ZNF540: variants seen among roughly 807,000 people sequenced by gnomAD.
ZNF540 encodes the protein zinc finger protein 540.
Under a neutral mutation model 11.8 loss-of-function variants are expected in ZNF540, and 3 were observed. The ratio of observed to expected loss-of-function variants is 0.25; its 90% CI spans 0.12 to 0.65. The LOEUF is 0.65. ZNF540 is among the 30% of genes least tolerant of loss of function. The probability of loss-of-function intolerance (pLI) is 0.83; values close to 1 mark genes in which losing one functional copy is unlikely to be tolerated. For synonymous variants in ZNF540, 247 were observed against 259.0 expected, an observed-to-expected ratio of 0.95 and a Z score of 0.45; for missense variants, 709 against 793.1, an observed-to-expected ratio of 0.89 and a Z score of 1.27.
chr19:37,554,171 G>T (rs186494420), intron 1 of ZNF540, among the ~76,000 whole-genome samples: 9 of 152,140 alleles, frequency 5.9e-5, no homozygotes, highest in Admixed American at 3.9e-4. Context: ...GCAGGCCCTG[G>T]TGTTTATTGT....
rs371497383 is a variant in ZNF540, at chr19:37,565,535, T to C, written c.-73+13870T>C. On this transcript the variant is annotated intron_variant, in intron 1 of 4. Transcript: ENST00000592533. The stretch of plus-strand genomic sequence containing the variant: ...AGGTTTCTCACCACTATGAATTCTC[T>C]GATGGTAAGTAAGTTGAGAGCCAAG... The C allele has an allele frequency of 7.4e-6, 12 of 1,613,704 alleles. No homozygotes were observed. The highest frequency in any genetic ancestry group is 5.3e-5 in the African/African-American group (4 of 74,886).
At chr19:37,603,641 A>G (rs2044057830) in intron 4 of ZNF540, among the ~76,000 whole-genome samples, 1 of 150,924 alleles carries the variant, frequency 6.6e-6, no homozygotes, top group Non-Finnish European at 1.5e-5. Context: ...TAGCTCGTTC[A>G]CTTTTTATTT....
Position 37,599,616 on chromosome 19 carries a change from A to G in ZNF540, c.10-10A>G. 6.2e-7 allele frequency: 1 copy of G among 1,613,892 alleles called. No homozygotes were observed. Among genetic ancestry groups the G allele is most frequent in the Non-Finnish European group, 8.5e-7 (1 of 1,179,918 alleles). On this transcript the variant is annotated splice_polypyrimidine_tract_variant and intron_variant, in intron 2 of 4. Coordinates refer to ENST00000316433, the MANE Select transcript of ZNF540 (RefSeq NM_001172225.3). ...AATTTCACCAGTAATATGTTGGTTTATGGTTTCAGGCATTGGTGACGTTCA... is the reference window on the plus strand; with the variant it reads ...AATTTCACCAGTAATATGTTGGTTTGTGGTTTCAGGCATTGGTGACGTTCA...
chr19:37,564,450 T>A, intron 1 of ZNF540: 1 of 581,126 alleles, frequency 1.7e-6, no homozygotes. Flanking sequence ...AGGAATTATT[T>A]AAGGGGTTTC....
chr19:37,563,131 C>G (rs921048595), intron 1 of ZNF540: 5 of 151,916 alleles, frequency 3.3e-5, no homozygotes, highest in Non-Finnish European at 7.4e-5. Flanking sequence ...AGTTTAAGAC[C>G]AGATGAGGAA....
In ZNF540 at chr19:37,613,440, G is replaced by A. The variant is rs1025656519; in HGVS notation, c.*177G>A. ...AAAATTCACACTAGAAAATAAAGCT[G>A]TTAATGTAACAGTTGTGGAAAAGTG... On this transcript the variant is annotated 3_prime_UTR_variant, in exon 5 of 5. Coordinates refer to ENST00000316433, the MANE Select transcript of ZNF540 (RefSeq NM_001172225.3). The A allele has an allele frequency of 2.1e-5, 10 of 479,818 alleles. No individual in the cohort carries two copies. The Admixed American group carries it at 2.2e-4, about 11-fold the overall frequency. The allele number at this position is 479,818 out of a possible 1,614,324, so 29.7% of individuals were successfully genotyped here. A position where few individuals can be genotyped will look rare whatever the true frequency, so the allele number is the denominator to read the frequency against.
intron 1 of ZNF540, among the ~76,000 whole-genome samples, chr19:37,584,895 C>T (rs975075639): frequency 1.4e-5 from 2 of 147,166 alleles, no homozygotes; most frequent in Non-Finnish European, 3.0e-5. Context: ...ACCCTGGAGG[C>T]GGAGCTTGCA....
In ZNF540 at chr19:37,612,715, C is replaced by A. The variant is rs768556407; in HGVS notation, c.1435C>A (p.Arg479Ser). The stretch of plus-strand genomic sequence containing the variant: ...GGAATGTGGGAAGACCTTTCGAGTT[C>A]GTTCTCAAATTAGTCTACATAAGAA... ...CKECGKTFRV[R>S]SQISLHKKIH... Residue 479 changes from arginine (R) to serine (S), a missense_variant, in exon 5 of 5, where the codon CGT becomes AGT. Transcript: ENST00000316433. 26 of 1,613,786 alleles carry A rather than the reference C, an allele frequency of 1.6e-5. No homozygotes were observed. The highest frequency in any genetic ancestry group is 2.1e-5 in the Non-Finnish European group (25 of 1,179,966).
chr19:37,555,902 TC>T, intron 1 of ZNF540: 1 of 700,840 alleles, frequency 1.4e-6, no homozygotes, highest in Non-Finnish European at 2.6e-6. Flanking sequence ...GGAATGAAGA[TC>T]TGGTTGATCC....
At chr19:37,591,733 G>A (rs1056944465), upstream of ZNF540, among the ~76,000 whole-genome samples, 1 of 151,930 alleles carries the variant, frequency 6.6e-6, no homozygotes, top group African/African-American at 2.4e-5. Flanking sequence ...TAGTAGAGAC[G>A]GGGTTTCTCC....
rs752666813 is a variant in ZNF540 at position 37,611,795 on chromosome 19, ACT to A, written c.517_518del (p.Ser173ThrfsTer11). The A allele has an allele frequency of 4.3e-6, 7 of 1,613,892 alleles. No individual in the cohort carries two copies. Among genetic ancestry groups the A allele is most frequent in the East Asian group, 2.2e-5 (1 of 44,830 alleles). Reference sequence around the variant, plus strand: ...ATTCACAATAGTGAGAAAAGCTGTGACTCACACTTGGTTCAACATGGGAAAAT... The same window carrying A: ...ATTCACAATAGTGAGAAAAGCTGTGACACACTTGGTTCAACATGGGAAAAT... On this transcript the variant is annotated frameshift_variant, in exon 5 of 5. Coordinates refer to ENST00000316433, the MANE Select transcript of ZNF540 (RefSeq NM_001172225.3). LOFTEE classifies it low-confidence loss of function (END_TRUNC).
intron 4 of ZNF540, among the ~76,000 whole-genome samples, chr19:37,602,396 C>A (rs570260052): frequency 6.6e-6 from 1 of 152,266 alleles, no homozygotes; most frequent in African/African-American, 2.4e-5. Flanking sequence ...GATGAGATCA[C>A]TTAGGGCTGA....
chr19:37,601,162 G>A (rs751396258), intron 4 of ZNF540, 57 bp downstream of exon 4: 9 of 1,437,454 alleles, frequency 6.3e-6, no homozygotes, highest in Middle Eastern at 3.5e-4. Flanking sequence ...ACGGCCAGCT[G>A]GTGAGGGAGC....
intron 1 of ZNF540, among the ~76,000 whole-genome samples, chr19:37,596,108 T>C (rs1054508932): frequency 2.6e-5 from 4 of 152,228 alleles, no homozygotes; most frequent in East Asian, 3.8e-4. Flanking sequence ...GACTGTAGTA[T>C]AATATGACAA....
chr19:37,553,206 T>C (rs1357319023), intron 1 of ZNF540, among the ~76,000 whole-genome samples: 1 of 120,894 alleles, frequency 8.3e-6, no homozygotes, highest in East Asian at 2.9e-4. Flanking sequence ...TGATCTCGGC[T>C]CACTGCAACC....
intron 1 of ZNF540, among the ~76,000 whole-genome samples, chr19:37,557,598 G>A (rs376219707): frequency 6.6e-6 from 1 of 152,184 alleles, no homozygotes; most frequent in East Asian, 1.9e-4. Context: ...CTGTGAACAC[G>A]GTGGCGTCCG....
At position 37,611,668 on chromosome 19, in the gene ZNF540, G is replaced by A. The variant is rs980671932; in HGVS notation, c.388G>A (p.Gly130Ser). The change falls in exon 5 of 5, where the codon GGT (glycine) becomes AGT (serine). Residue 130 changes from glycine to serine, a missense_variant. By Grantham distance (56) the Gly-to-Ser change is moderately conservative. Coordinates refer to ENST00000316433, the MANE Select transcript of ZNF540 (RefSeq NM_001172225.3). ...GTGGCAGAACAAAAGTGAGTTTGAG[G>A]GTCAACAGGGACTTAAAGAAAGATC... ...NEWQNKSEFE[G>S]QQGLKERSIS... 6.2e-7 allele frequency: 1 copy of A among 1,613,804 alleles called. No individual in the cohort carries two copies. Among genetic ancestry groups the A allele is most frequent in the Non-Finnish European group, 8.5e-7 (1 of 1,179,924 alleles).
intron 1 of ZNF540, chr19:37,597,375 A>G (rs1409238989): frequency 6.6e-6 from 1 of 152,110 alleles, no homozygotes; most frequent in East Asian, 1.9e-4. Context: ...TTGCAATGAT[A>G]AAGGCCATCA....
At chr19:37,607,835 T>C (rs949297359) in intron 4 of ZNF540, among the ~76,000 whole-genome samples, 34 of 152,320 alleles carry the variant, frequency 2.2e-4, no homozygotes, top group Middle Eastern at 3.4e-3. Flanking sequence ...AAAGAAATGA[T>C]TGCTGAGTAG....
Sources: allele counts gnomAD v4.1 joint callset (sites outside exome capture counted in the v4.1 genomes callset), GRCh38; gene constraint gnomAD v4.1.1; transcripts MANE v1.5; gene names NCBI Gene and HGNC (gene_info 2026-07-23, HGNC 2026-07-21).